The following CCNF variants were observed in gnomAD, a reference collection of about 807,000 sequenced individuals.
CCNF encodes the protein cyclin-F.
CCNF carries 30 observed loss-of-function variants against 85.4 expected under a neutral mutation model. That is an observed-to-expected ratio of 0.35 (90% CI 0.26 to 0.48). The LOEUF is 0.48. CCNF is among the 20% of genes least tolerant of loss of function. The probability of loss-of-function intolerance (pLI) is 0.99; values close to 1 mark genes in which losing one functional copy is unlikely to be tolerated. For synonymous variants in CCNF, 439 were observed against 425.1 expected, an observed-to-expected ratio of 1.03 and a Z score of -0.40; for missense variants, 919 against 1,010.4, an observed-to-expected ratio of 0.91 and a Z score of 1.23.
chr16:2,436,852 C>T (rs989451931), intron 4 of CCNF: 4 of 273,064 alleles, frequency 1.5e-5, no homozygotes, highest in Non-Finnish European at 2.7e-5. Flanking sequence ...GGACATGAAG[C>T]GTCGCGGGGT....
intron 4 of CCNF, 61 bp from the exon 5 acceptor site, chr16:2,437,068 G>C: frequency 7.2e-7 from 1 of 1,383,798 alleles, no homozygotes; most frequent in Non-Finnish European, 9.8e-7. Flanking sequence ...AGACCATGGA[G>C]AGCTTTCCAC....
rs2065446989 is a variant in CCNF, at chr16:2,458,813, A to C, written c.*1793A>C. On this transcript the variant is annotated 3_prime_UTR_variant, in exon 17 of 17. Coordinates refer to ENST00000397066, the MANE Select transcript of CCNF (RefSeq NM_001761.3). Reference sequence around the variant, plus strand: ...TAAGGGGGGCAATGATACCTACCTCACAGGGGTGTTGTGAGGATTAAATGT... The same window carrying C: ...TAAGGGGGGCAATGATACCTACCTCCCAGGGGTGTTGTGAGGATTAAATGT... 1.3e-5 allele frequency: 2 copies of C among 152,320 alleles called. No individual in the cohort carries two copies. The highest frequency in any genetic ancestry group is 2.1e-4 in the South Asian group (1 of 4,836). The allele number at this position is 152,320 out of a possible 1,614,324, so 9.4% of individuals were successfully genotyped here.
chr16:2,446,638 G>A (rs1174719170), intron 10 of CCNF, among the ~76,000 whole-genome samples: 1 of 152,248 alleles, frequency 6.6e-6, no homozygotes, highest in African/African-American at 2.4e-5. Context: ...AGCCTGGTGG[G>A]TGAGGATAGG....
At chr16:2,437,636 C>G in intron 5 of CCNF, 1 of 354,150 alleles carries the variant, frequency 2.8e-6, no homozygotes, top group Admixed American at 4.4e-5. Flanking sequence ...CGCCTGTCAT[C>G]CTAGCACTTT....
chr16:2,433,183 A>T, intron 3 of CCNF, 116 bp downstream of exon 3: 1 of 662,064 alleles, frequency 1.5e-6, no homozygotes, highest in Non-Finnish European at 2.7e-6. Flanking sequence ...CTCCCATGAC[A>T]TTGCCTCATA....
intron 2 of CCNF, among the ~76,000 whole-genome samples, chr16:2,432,193 A>C (rs1430474138): frequency 6.6e-6 from 1 of 152,226 alleles, no homozygotes; most frequent in East Asian, 1.9e-4. Flanking sequence ...GTTTAAAAGA[A>C]TAAGAATACA....
chr16:2,449,040 G>A, intron 11 of CCNF, 62 bp downstream of exon 11: 4 of 821,398 alleles, frequency 4.9e-6, no homozygotes, highest in African/African-American at 3.3e-5. Context: ...GGGTGGGGGT[G>A]GGCATTCAGC....
At chr16:2,434,893 C>A (rs183355106) in intron 3 of CCNF, among the ~76,000 whole-genome samples, 76 of 152,244 alleles carry the variant, frequency 5.0e-4, no homozygotes, top group African/African-American at 1.7e-3. Context: ...TTTCACGGAC[C>A]CTGATGTTTT....
At chr16:2,443,832 A>G (rs1555497660) in intron 9 of CCNF, 32 bp downstream of exon 9, 23 of 1,603,234 alleles carry the variant, frequency 1.4e-5, no homozygotes, top group Non-Finnish European at 1.4e-5. Flanking sequence ...TTCTAATCAG[A>G]GCGGCGCGGA....
At chr16:2,441,263 G>A (rs2065319798) in intron 8 of CCNF, among the ~76,000 whole-genome samples, 1 of 151,994 alleles carries the variant, frequency 6.6e-6, no homozygotes, top group Admixed American at 6.6e-5. Flanking sequence ...GGATGTGGTG[G>A]CGTGTGCCTT....
chr16:2,442,329 C>G (rs893845749), intron 8 of CCNF, among the ~76,000 whole-genome samples: 2 of 129,330 alleles, frequency 1.5e-5, no homozygotes, highest in Non-Finnish European at 3.1e-5. Context: ...TATATAATAT[C>G]CATAATTAGA....
chr16:2,444,900 C>CTT (rs35090353), intron 9 of CCNF, among the ~76,000 whole-genome samples: 1 of 140,864 alleles, frequency 7.1e-6, no homozygotes. Context: ...CATTGAACAT[C>CTT]TTTTTTTTTT....
intron 15 of CCNF, among the ~76,000 whole-genome samples, chr16:2,454,541 T>C (rs1198388575): frequency 6.6e-6 from 1 of 152,188 alleles, no homozygotes; most frequent in African/African-American, 2.4e-5. Flanking sequence ...GACACTGGGA[T>C]AGCTCTCTCC....
chr16:2,431,050 A>C, intron 1 of CCNF, 80 bp from the exon 2 acceptor site: 1 of 1,411,438 alleles, frequency 7.1e-7, no homozygotes, highest in South Asian at 1.2e-5. Context: ...TGTAACTTTT[A>C]TCCTTTTTTT....
intron 13 of CCNF, among the ~76,000 whole-genome samples, chr16:2,450,336 T>TAAAAA (rs869044588): frequency 3.2e-4 from 21 of 65,860 alleles, no homozygotes; most frequent in Middle Eastern, 0.011. Context: ...CTGTCTCTAC[T>TAAAAA]AAAAAAAAAA....
chr16:2,439,894 C>T lies in CCNF; in HGVS notation c.777+68C>T. The T allele has an allele frequency of 3.7e-6, 5 of 1,362,508 alleles. No individual in the cohort carries two copies. The Admixed American group carries it at 7.0e-5, about 19-fold the overall frequency. 84.4% of individuals were successfully genotyped at this position (1,362,508 alleles called of 1,614,324 possible). A position where few individuals can be genotyped will look rare whatever the true frequency, so the allele number is the denominator to read the frequency against. On this transcript the variant is annotated intron_variant, in intron 8 of 16. Transcript: ENST00000397066. ...CCCTCCAGCCTTGGGGCAGGACTAT[C>T]TGGGCTCCCACATTGGGGGGCAGGA...
intron 5 of CCNF, 50 bp from the exon 6 acceptor site, chr16:2,438,020 C>A (rs755865006): frequency 5.3e-6 from 7 of 1,312,470 alleles, no homozygotes; most frequent in Non-Finnish European, 7.7e-6. Context: ...TGGTGGCCCC[C>A]GGGCAGTTCT....
intron 15 of CCNF, among the ~76,000 whole-genome samples, chr16:2,454,430 G>A (rs1015727753): frequency 3.3e-5 from 5 of 152,100 alleles, no homozygotes; most frequent in Non-Finnish European, 5.9e-5. Flanking sequence ...ACTCCAGGAG[G>A]GGGCCTGGCC....
intron 13 of CCNF, among the ~76,000 whole-genome samples, chr16:2,450,297 A>C (rs890376063): frequency 1.9e-4 from 28 of 147,814 alleles, no homozygotes; most frequent in African/African-American, 6.8e-4. Flanking sequence ...TCAGGAGTTC[A>C]AGACCAACCT....
Sources: allele counts gnomAD v4.1 joint callset (sites outside exome capture counted in the v4.1 genomes callset), GRCh38; gene constraint gnomAD v4.1.1; transcripts MANE v1.5; gene names NCBI Gene and HGNC (gene_info 2026-07-23, HGNC 2026-07-21).